TIAM1: variants seen among roughly 807,000 people sequenced by gnomAD.
The protein encoded by TIAM1 is TIAM Rac1 associated GEF 1, also known as rho guanine nucleotide exchange factor TIAM1.
Under a neutral mutation model 163.5 loss-of-function variants are expected in TIAM1, and 65 were observed. The ratio of observed to expected loss-of-function variants is 0.40; its 90% CI spans 0.33 to 0.49. The LOEUF is 0.49. Ranked by LOEUF, TIAM1 falls within the 20% of genes least tolerant of loss-of-function variation. The pLI is 0.77. For missense variants in TIAM1, 1,789 were observed against 2,044.7 expected (o/e 0.87, Z 2.41); for synonymous variants, 833 against 810.1 (o/e 1.03, Z -0.48).
rs557826319 is a variant in TIAM1, at chr21:31,167,089, T to A, written c.2888-2024A>T. 4.0e-3 allele frequency among the ~76,000 whole-genome samples: 377 copies of A among 93,996 alleles called. 1 individual carries two copies. Among genetic ancestry groups the A allele is most frequent in the Non-Finnish European group, 5.6e-3 (296 of 53,134 alleles). 61.7% of individuals were successfully genotyped at this position (93,996 alleles called of 152,430 possible). A position where few individuals can be genotyped will look rare whatever the true frequency, so the allele number is the denominator to read the frequency against. ...TGGGAAAGCAAATAAAAGGATTTCC[T>A]TTTTTTTTTTTTTTTTTTTGAGATG... On this transcript the variant is annotated intron_variant, in intron 15 of 27. Coordinates refer to ENST00000541036, the MANE Select transcript of TIAM1 (RefSeq NM_001353694.2).
intron 13 of TIAM1, among the ~76,000 whole-genome samples, chr21:31,193,648 G>A (rs143339231): frequency 6.6e-6 from 1 of 152,200 alleles, no homozygotes; most frequent in African/African-American, 2.4e-5. Context: ...TTTAGGCAGA[G>A]AGCGAGGAGA....
At position 31,138,639 on chromosome 21, in the gene TIAM1, T is replaced by A. The variant is rs568756359; in HGVS notation, c.3774+2479A>T. 1.6e-4 allele frequency among the ~76,000 whole-genome samples: 25 copies of A among 152,360 alleles called. 1 individual carries two copies. The South Asian group carries it at 5.2e-3, about 32-fold the overall frequency. ...TGAGAGCAGTGGAACAGAATTGTCA[T>A]TGATCTTGGCACAGACCATCCTATT... is the stretch of plus-strand genomic sequence containing the variant. On this transcript the variant is annotated intron_variant, in intron 22 of 27. Coordinates refer to ENST00000541036, the MANE Select transcript of TIAM1 (RefSeq NM_001353694.2).
In TIAM1 at chr21:31,252,175, G is replaced by A. The variant is rs564796798; in HGVS notation, c.978C>T (p.Gly326=). 47 of 1,605,506 alleles carry A rather than the reference G, an allele frequency of 2.9e-5. No individual in the cohort carries two copies. In the African/African-American group the frequency reaches 4.7e-4, roughly 16 times the overall value. ...CACTGTCTGCAAACTCACTGCCCTC[G>A]CCTGCATTAACATCCTTGGGAGCAG... ...RAKTTQDVNA[G]EGSEFADSGI... The change falls in exon 5 of 28, where the codon GGC becomes GGT. Residue 326 remains glycine (G), a synonymous_variant. Transcript: ENST00000541036.
In TIAM1 at chr21:31,152,617, G is replaced by A; in HGVS notation, c.3366+19C>T. ...CCACACTATAGCCCTGACGCTGGAG[G>A]CAGCTTTGCACTATTTACCTTAAAT... On this transcript the variant is annotated intron_variant, in intron 19 of 27. Coordinates refer to ENST00000541036, the MANE Select transcript of TIAM1 (RefSeq NM_001353694.2). 6.2e-7 allele frequency: 1 copy of A among 1,613,308 alleles called. No homozygotes were observed. Among genetic ancestry groups the A allele is most frequent in the Non-Finnish European group, 8.5e-7 (1 of 1,179,716 alleles).
At chr21:31,525,360 T>C (rs1602490063) in intron 1 of TIAM1, among the ~76,000 whole-genome samples, 2 of 141,602 alleles carry the variant, frequency 1.4e-5, no homozygotes, top group South Asian at 2.3e-4. Context: ...AGAGCCAGAC[T>C]CCGTCTCAAA....
In TIAM1 at chr21:31,395,092, G is replaced by A. The variant is rs143204510; in HGVS notation, c.-368-55670C>T. On this transcript the variant is annotated intron_variant, in intron 2 of 28. Transcript: ENST00000286827. This position sits in a 1 kb window ranked among gnomAD's most constrained non-coding sequence, Gnocchi z 7.5. ...GTATCTACCAAAAATACAAACATTA[G>A]CCAGGCATGGTGGCGCGTGCCTGTA... 0.013 allele frequency among the ~76,000 whole-genome samples: 1,947 copies of A among 152,142 alleles called. 19 individuals are homozygous for A. Among genetic ancestry groups the A allele is most frequent in the South Asian group, 0.028 (134 of 4,794 alleles).
intron 1 of TIAM1, 113 bp from the exon 2 acceptor site, chr21:31,339,535 T>C (rs2075953595): frequency 2.5e-6 from 1 of 396,512 alleles, no homozygotes; most frequent in Non-Finnish European, 4.4e-6. Context: ...AAAAGTACCT[T>C]ACATGTTGTA....
At chr21:31,357,618 GC>G (rs2076338182) in intron 2 of TIAM1, among the ~76,000 whole-genome samples, 1 of 152,082 alleles carries the variant, frequency 6.6e-6, no homozygotes, top group Non-Finnish European at 1.5e-5. Flanking sequence ...AAAATTTGCT[GC>G]TTTCTCCCTC....
At chr21:31,370,000 G>C (rs2076569174) in intron 2 of TIAM1, among the ~76,000 whole-genome samples, 1 of 152,114 alleles carries the variant, frequency 6.6e-6, no homozygotes, top group South Asian at 2.1e-4. Flanking sequence ...CCTTATAAAG[G>C]GGGCCTAAGA....
intron 1 of TIAM1, among the ~76,000 whole-genome samples, chr21:31,468,045 C>G (rs1252701090): frequency 6.7e-6 from 1 of 149,638 alleles, no homozygotes; most frequent in Non-Finnish European, 1.5e-5. Context: ...AGGATCATCA[C>G]ACCATTGCAC....
chr21:31,500,226 C>T (rs1309847696), intron 1 of TIAM1, among the ~76,000 whole-genome samples: 1 of 151,764 alleles, frequency 6.6e-6, no homozygotes, highest in Non-Finnish European at 1.5e-5. Context: ...ACAAGTACAC[C>T]CTTGGAAAGG....
At chr21:31,270,849 T>C (rs1305498386) in intron 3 of TIAM1, among the ~76,000 whole-genome samples, 1 of 152,214 alleles carries the variant, frequency 6.6e-6, no homozygotes, top group Non-Finnish European at 1.5e-5. Context: ...TTCTAAGTTC[T>C]GGCTTCCTTA....
intron 2 of TIAM1, among the ~76,000 whole-genome samples, chr21:31,463,239 C>T (rs1389676557): frequency 6.6e-6 from 1 of 152,216 alleles, no homozygotes; most frequent in African/African-American, 2.4e-5. Context: ...GAGAAGAGCC[C>T]ACTGAGCCCA....
chr21:31,268,210 T>C (rs1211686271), intron 3 of TIAM1, among the ~76,000 whole-genome samples: 1 of 152,162 alleles, frequency 6.6e-6, no homozygotes, highest in Non-Finnish European at 1.5e-5. Context: ...CCTACCATGT[T>C]CTAGAAGCCA....
intron 2 of TIAM1, among the ~76,000 whole-genome samples, chr21:31,337,507 T>C (rs2147084590): frequency 7.2e-6 from 1 of 139,376 alleles, no homozygotes; most frequent in South Asian, 2.5e-4. Flanking sequence ...GTTTTTATTA[T>C]TATTATTGTT....
chr21:31,361,970 G>A (rs2076415079), intron 2 of TIAM1, among the ~76,000 whole-genome samples: 1 of 152,004 alleles, frequency 6.6e-6, no homozygotes, highest in African/African-American at 2.4e-5. Flanking sequence ...ACATATATGT[G>A]CATGCAAGTA....
intron 1 of TIAM1, among the ~76,000 whole-genome samples, chr21:31,491,149 A>AAGGG (rs1569379939): frequency 2.6e-5 from 4 of 151,466 alleles, no homozygotes; most frequent in Non-Finnish European, 1.5e-5. Flanking sequence ...AGAACGAAAG[A>AAGGG]AAGGAAGGGA....
At chr21:31,432,677 G>C (rs1486066578) in intron 2 of TIAM1, among the ~76,000 whole-genome samples, 1 of 152,206 alleles carries the variant, frequency 6.6e-6, no homozygotes, top group Non-Finnish European at 1.5e-5. Flanking sequence ...ATTTTCCAGG[G>C]AAACAGTAGA....
At position 31,495,740 on chromosome 21, in the gene TIAM1, C is replaced by T. The variant is rs538297516; in HGVS notation, c.-421-31705G>A. 1.2e-4 allele frequency among the ~76,000 whole-genome samples: 19 copies of T among 152,262 alleles called. No homozygotes were observed. The South Asian group carries it at 3.7e-3, about 30-fold the overall frequency. ...ATCCCGGCACTTTGGGAGGCCAAGG[C>T]GGGGCGGGGGGATCACCTGAGGTCA... is the stretch of plus-strand genomic sequence containing the variant. On this transcript the variant is annotated intron_variant, in intron 1 of 28. Transcript: ENST00000286827.
Sources: gnomAD v4.1 joint callset for allele counts (sites outside exome capture counted in the v4.1 genomes callset) on GRCh38, gnomAD v4.1.1 for gene constraint, Gnocchi (gnomAD v3.1) non-coding constraint, MANE v1.5 for transcripts, NCBI Gene and HGNC (gene_info 2026-07-23, HGNC 2026-07-21) for gene names.